Variants in PIGB observed in about 807,000 individuals in gnomAD.
The protein encoded by PIGB is GPI alpha-1,2-mannosyltransferase 3.
A neutral mutation model predicts 68.4 loss-of-function variants in PIGB; 58 were observed. The ratio of observed to expected loss-of-function variants is 0.85; its 90% confidence interval spans 0.69 to 1.06. PIGB has a LOEUF of 1.06. Among genes scored for constraint, PIGB ranks in the 50% least tolerant of loss-of-function variants. The pLI is 0.00. For missense variants in PIGB, 634 were observed against 655.8 expected (o/e 0.97, Z 0.36); for synonymous variants, 219 against 220.5 (o/e 0.99, Z 0.06).
intron 11 of PIGB, 123 bp from the exon 12 acceptor site, chr15:55,355,161 TAA>T (rs745934716): frequency 3.3e-6 from 3 of 907,994 alleles, no homozygotes; most frequent in African/African-American, 1.7e-5. Flanking sequence ...TTACTTCCTA[TAA>T]GTTAATTCTT....
At chr15:55,335,993 AAGTG>A (rs1310061186) in intron 6 of PIGB, among the ~76,000 whole-genome samples, 1 of 151,436 alleles carries the variant, frequency 6.6e-6, no homozygotes, top group Non-Finnish European at 1.5e-5. Flanking sequence ...GATAATTCAG[AAGTG>A]AGTAAGATAC....
At chr15:55,337,935 T>C (rs1377075446) in intron 6 of PIGB, among the ~76,000 whole-genome samples, 1 of 152,204 alleles carries the variant, frequency 6.6e-6, no homozygotes. Context: ...TATGATCCTA[T>C]TCTTATAAAA....
At chr15:55,347,419 G>A (rs1020330819) in intron 9 of PIGB, among the ~76,000 whole-genome samples, 7 of 152,150 alleles carry the variant, frequency 4.6e-5, no homozygotes, top group African/African-American at 1.7e-4. Context: ...AAGAGCGAGA[G>A]TCCATCTCAA....
At chr15:55,355,248 T>C (rs775218163) in intron 11 of PIGB, 38 bp from the exon 12 acceptor site, 4 of 1,538,144 alleles carry the variant, frequency 2.6e-6, no homozygotes, top group Non-Finnish European at 3.6e-6. Context: ...CTCAGCAAAA[T>C]GTAGCCTTTA....
At chr15:55,320,503 C>G in intron 2 of PIGB, 93 bp downstream of exon 2, 1 of 1,154,020 alleles carries the variant, frequency 8.7e-7, no homozygotes, top group Non-Finnish European at 1.2e-6. Context: ...CTTGCTCCCT[C>G]GTCTTCAGTA....
intron 10 of PIGB, among the ~76,000 whole-genome samples, chr15:55,352,168 G>A (rs1183329692): frequency 4.0e-5 from 6 of 151,552 alleles, no homozygotes; most frequent in East Asian, 2.0e-4. Flanking sequence ...GGCTGATCTC[G>A]AACTCCCGAC....
intron 8 of PIGB, 44 bp downstream of exon 8, chr15:55,340,867 C>A: frequency 1.6e-6 from 2 of 1,219,816 alleles, no homozygotes; most frequent in East Asian, 2.5e-5. Flanking sequence ...TTTATGTTAC[C>A]AAGAAATCAA....
Position 55,350,815 on chromosome 15 carries a change from G to T in PIGB, c.1240G>T (p.Val414Phe). ...GLVHQRGTLDVMSHIQKVCYN... is the reference protein window; with the variant it reads ...GLVHQRGTLDFMSHIQKVCYN... Reference sequence around the variant, plus strand: ...AGTTCATCAACGAGGTACTCTTGATGTCATGAGTCATATTCAAAAAGTTTG... The same window carrying T: ...AGTTCATCAACGAGGTACTCTTGATTTCATGAGTCATATTCAAAAAGTTTG... Residue 414 changes from valine (V) to phenylalanine (F), a missense_variant, in exon 10 of 12, where the codon GTC (valine) becomes TTC (phenylalanine). Val to Phe is a conservative substitution (Grantham distance 50, BLOSUM62 -1). Transcript: ENST00000164305. 1 of 1,606,598 alleles carries T rather than the reference G, an allele frequency of 6.2e-7. No individual in the cohort carries two copies. The highest frequency in any genetic ancestry group is 1.1e-5 in the South Asian group (1 of 90,926).
chr15:55,343,092 G>A (rs2055709013), intron 9 of PIGB: 1 of 152,070 alleles, frequency 6.6e-6, no homozygotes, highest in African/African-American at 2.4e-5. Flanking sequence ...AACTCCTACA[G>A]ATCTGAGATG....
chr15:55,333,769 C>A, intron 5 of PIGB, 98 bp from the exon 6 acceptor site: 1 of 808,976 alleles, frequency 1.2e-6, no homozygotes, highest in Middle Eastern at 2.4e-4. Context: ...GTTCATATAG[C>A]TATTTATACC....
intron 4 of PIGB, 84 bp from the exon 5 acceptor site, chr15:55,329,640 G>A (rs1198404677): frequency 1.8e-5 from 19 of 1,075,102 alleles, no homozygotes; most frequent in Non-Finnish European, 2.5e-5. Context: ...ACAATATTTA[G>A]ACTTGCTTGC....
intron 5 of PIGB, among the ~76,000 whole-genome samples, chr15:55,331,646 G>A (rs2055417061): frequency 6.6e-6 from 1 of 152,104 alleles, no homozygotes; most frequent in Admixed American, 6.6e-5. Context: ...CCAGGAGGCA[G>A]GGGTTGCAGT....
At chr15:55,327,659 C>T in intron 4 of PIGB, 24 bp downstream of exon 4, 1 of 1,363,852 alleles carries the variant, frequency 7.3e-7, no homozygotes, top group East Asian at 2.3e-5. Context: ...ACTTTAGAAG[C>T]TGTATGCCAG....
At position 55,333,017 on chromosome 15, in the gene PIGB, A is replaced by AT. The variant is rs147587867; in HGVS notation, c.654-850_654-849insT. ...ACTGCCTAAATAATCCTGTTTCTTTAAATGCTCATGCTTTTTCTTAGAGAA... is the reference window on the plus strand; with the variant it reads ...ACTGCCTAAATAATCCTGTTTCTTTATAATGCTCATGCTTTTTCTTAGAGAA... On this transcript the variant is annotated intron_variant, in intron 5 of 11. Transcript: ENST00000164305. 8.4e-3 allele frequency among the ~76,000 whole-genome samples: 1,274 copies of AT among 152,294 alleles called. 16 individuals carry two copies. Among genetic ancestry groups the AT allele is most frequent in the African/African-American group, 0.026 (1,091 of 41,572 alleles).
chr15:55,347,979 GTTTCT>G (rs2055835056), intron 9 of PIGB, among the ~76,000 whole-genome samples: 1 of 126,326 alleles, frequency 7.9e-6, no homozygotes, highest in Admixed American at 8.0e-5. Context: ...TAGTGCCATA[GTTTCT>G]TTTTTTTTTT....
intron 6 of PIGB, among the ~76,000 whole-genome samples, chr15:55,336,756 G>A (rs1415202331): frequency 2.6e-5 from 4 of 152,240 alleles, no homozygotes; most frequent in African/African-American, 9.6e-5. Context: ...GGGAGGCTGA[G>A]GCAGGCACAT....
chr15:55,341,006 T>C (rs1310320197), intron 8 of PIGB, among the ~76,000 whole-genome samples, 183 bp downstream of exon 8: 5 of 151,978 alleles, frequency 3.3e-5, no homozygotes, highest in Non-Finnish European at 7.4e-5. Flanking sequence ...AGATATGTAG[T>C]TTGCTTAATA....
intron 10 of PIGB, among the ~76,000 whole-genome samples, chr15:55,352,072 C>T (rs1393985101): frequency 1.3e-5 from 2 of 151,078 alleles, no homozygotes; most frequent in Non-Finnish European, 2.9e-5. Context: ...CCTCAGCCTC[C>T]TGAGTAGCTA....
At chr15:55,324,920 T>C in intron 3 of PIGB, 3 of 499,922 alleles carry the variant, frequency 6.0e-6, no homozygotes, top group Non-Finnish European at 7.8e-6. Context: ...TTTCCAATTT[T>C]AGCATTTATT....
Sources: allele counts gnomAD v4.1 joint callset (sites outside exome capture counted in the v4.1 genomes callset), GRCh38; gene constraint gnomAD v4.1.1; transcripts MANE v1.5; gene names NCBI Gene and HGNC (gene_info 2026-07-23, HGNC 2026-07-21).